Variants in GTF3C6 observed in about 807,000 individuals in gnomAD.
GTF3C6 encodes the protein general transcription factor 3C polypeptide 6.
Under a neutral mutation model 19.2 loss-of-function variants are expected in GTF3C6, and 11 were observed. The ratio of observed to expected loss-of-function variants is 0.57; its 90% CI spans 0.36 to 0.95. GTF3C6 has a LOEUF of 0.95. GTF3C6 is among the 40% of genes least tolerant of loss of function. GTF3C6 has a pLI of 0.01. For missense variants in GTF3C6, 222 were observed against 254.7 expected (o/e 0.87, Z 0.87); for synonymous variants, 87 against 84.2 (o/e 1.03, Z -0.18).
intron 3 of GTF3C6, 36 bp downstream of exon 3, chr6:110,960,513 T>TA (rs753647516): frequency 6.2e-7 from 1 of 1,609,440 alleles, no homozygotes; most frequent in South Asian, 1.1e-5. Context: ...CTCTTTCTGA[T>TA]ATGGGCTTTT....
At position 110,962,774 on chromosome 6, in the gene GTF3C6, C is replaced by CT. The variant is rs1554245071; in HGVS notation, c.361+278dup. ...CCCACCACCACGCCCAGCCAATTTT[C>CT]TTTTTTTTTCTTTTTTCTTATCCAG... On this transcript the variant is annotated intron_variant, in intron 5 of 5. Coordinates refer to ENST00000329970, the MANE Select transcript of GTF3C6 (RefSeq NM_138408.4). Among the ~76,000 whole-genome samples, 601 of 142,466 alleles carry CT rather than the reference C, an allele frequency of 4.2e-3. 4 individuals carry two copies. Among genetic ancestry groups the CT allele is most frequent in the African/African-American group, 0.014 (566 of 40,366 alleles). 93.5% of individuals were successfully genotyped at this position (142,466 alleles called of 152,430 possible). A position where few individuals can be genotyped will look rare whatever the true frequency, so the allele number is the denominator to read the frequency against.
At chr6:110,963,920 T>C (rs1334112775) in intron 5 of GTF3C6, among the ~76,000 whole-genome samples, 1 of 152,114 alleles carries the variant, frequency 6.6e-6, no homozygotes, top group Admixed American at 6.6e-5. Context: ...CAGGCTGGTC[T>C]TGAACTCCTG....
At chr6:110,963,209 G>A (rs1233219566) in intron 5 of GTF3C6, among the ~76,000 whole-genome samples, 1 of 152,088 alleles carries the variant, frequency 6.6e-6, no homozygotes, top group Non-Finnish European at 1.5e-5. Flanking sequence ...GAGCCACTGT[G>A]CCTGGCCTCA....
intron 5 of GTF3C6, among the ~76,000 whole-genome samples, chr6:110,966,848 C>G (rs1264213742): frequency 6.6e-6 from 1 of 151,942 alleles, no homozygotes; most frequent in Non-Finnish European, 1.5e-5. Context: ...ATAGTTGAAG[C>G]TGAATTGGAA....
chr6:110,959,222 C>A lies in GTF3C6; in HGVS notation c.108C>A (p.Leu36=). ...CAGGAATTATTGATTCAGACTTCCT[C>A]TCAAAATGTGAAAATAAATGCAAGG... ...ELSGIIDSDF[L]SKCENKCKVL... is the part of the protein sequence containing the mutation. Residue 36 remains leucine (L), a synonymous_variant, in exon 2 of 6, where the codon CTC becomes CTA. Coordinates refer to ENST00000329970, the MANE Select transcript of GTF3C6 (RefSeq NM_138408.4). 6.2e-7 allele frequency: 1 copy of A among 1,612,288 alleles called. No individual in the cohort carries two copies. Among genetic ancestry groups the A allele is most frequent in the Non-Finnish European group, 8.5e-7 (1 of 1,178,422 alleles).
At chr6:110,965,729 G>A (rs930061133) in intron 5 of GTF3C6, among the ~76,000 whole-genome samples, 1 of 152,100 alleles carries the variant, frequency 6.6e-6, no homozygotes, top group Non-Finnish European at 1.5e-5. Context: ...AGATCTTTGG[G>A]AATATTTGGG....
chr6:110,958,707 T>A lies in GTF3C6; in HGVS notation c.-63T>A. The A allele has an allele frequency of 2.0e-6, 3 of 1,505,348 alleles. No individual in the cohort carries two copies. The highest frequency in any genetic ancestry group is 1.8e-6 in the Non-Finnish European group (2 of 1,106,928). 93.2% of individuals were successfully genotyped at this position (1,505,348 alleles called of 1,614,324 possible). A position where few individuals can be genotyped will look rare whatever the true frequency, so the allele number is the denominator to read the frequency against. ...TGCTTCGCCTCGGAGCTGAAGCCCGTACTCAAGATGGCGGCTCCGGGCGGG... is the reference window on the plus strand; with the variant it reads ...TGCTTCGCCTCGGAGCTGAAGCCCGAACTCAAGATGGCGGCTCCGGGCGGG... On this transcript the variant is annotated 5_prime_UTR_variant, in exon 1 of 6. Transcript: ENST00000329970.
chr6:110,966,041 G>C (rs1407972295), intron 5 of GTF3C6, among the ~76,000 whole-genome samples: 9 of 152,172 alleles, frequency 5.9e-5, no homozygotes, highest in Admixed American at 5.2e-4. Flanking sequence ...GTTGGCAGGA[G>C]GCCTCAGTTC....
chr6:110,965,331 C>T (rs1234890603), intron 5 of GTF3C6, among the ~76,000 whole-genome samples: 2 of 152,036 alleles, frequency 1.3e-5, no homozygotes, highest in African/African-American at 2.4e-5. Flanking sequence ...TAGACTAGTG[C>T]TTCTTTCACC....
chr6:110,962,627 C>A (rs1358147465), intron 5 of GTF3C6, 122 bp downstream of exon 5: 15 of 584,608 alleles, frequency 2.6e-5, no homozygotes, highest in African/African-American at 2.1e-4. Flanking sequence ...TTTTTTCAGA[C>A]AGTCTTGCTC....
At chr6:110,966,664 A>T (rs1348653881) in intron 5 of GTF3C6, among the ~76,000 whole-genome samples, 2 of 152,302 alleles carry the variant, frequency 1.3e-5, no homozygotes, top group South Asian at 4.1e-4. Context: ...ACCTTCTAGG[A>T]ACTTGCATTC....
chr6:110,958,751 G>C lies in GTF3C6; in HGVS notation c.-19G>C. 6.4e-7 allele frequency: 1 copy of C among 1,550,564 alleles called. No individual in the cohort carries two copies. The highest frequency in any genetic ancestry group is 8.7e-7 in the Non-Finnish European group (1 of 1,146,886). On this transcript the variant is annotated 5_prime_UTR_variant, in exon 1 of 6. Transcript: ENST00000329970. ...GGGCGGGCGTGGCCAGTGACTAGAA[G>C]GCGAGGCGCCGCGGGACCATGGCGG... is the stretch of plus-strand genomic sequence containing the variant.
intron 4 of GTF3C6, 62 bp from the exon 5 acceptor site, chr6:110,962,330 C>A: frequency 2.3e-6 from 2 of 853,786 alleles, no homozygotes; most frequent in Non-Finnish European, 3.9e-6. Flanking sequence ...ATTACTAAGG[C>A]TTCATCTTTG....
At position 110,967,841 on chromosome 6, in the gene GTF3C6, TA is replaced by T. The variant is rs774105173; in HGVS notation, c.*52del. Reference sequence around the variant, plus strand: ...TCATAATAACTTGTCAAGAACTTTTTAGAGTTGTTACATAAAAATAATTGCT... The same window carrying T: ...TCATAATAACTTGTCAAGAACTTTTTGAGTTGTTACATAAAAATAATTGCT... On this transcript the variant is annotated 3_prime_UTR_variant, in exon 6 of 6. Transcript: ENST00000329970. 1 of 1,465,138 alleles carries T rather than the reference TA, an allele frequency of 6.8e-7. No individual in the cohort carries two copies. Among genetic ancestry groups the T allele is most frequent in the Admixed American group, 2.2e-5 (1 of 44,938 alleles). 90.8% of individuals were successfully genotyped at this position (1,465,138 alleles called of 1,614,324 possible). A position where few individuals can be genotyped will look rare whatever the true frequency, so the allele number is the denominator to read the frequency against.
chr6:110,960,015 T>C (rs1021822041), intron 2 of GTF3C6, among the ~76,000 whole-genome samples: 1 of 152,010 alleles, frequency 6.6e-6, no homozygotes, highest in Admixed American at 6.6e-5. Flanking sequence ...GGCATGCGCC[T>C]GTGGTCCCTG....
At chr6:110,961,340 A>C (rs35037742) in intron 4 of GTF3C6, among the ~76,000 whole-genome samples, 1 of 151,308 alleles carries the variant, frequency 6.6e-6, no homozygotes, top group Non-Finnish European at 1.5e-5. Flanking sequence ...TGGTAGAGAC[A>C]GGGTTTCGCC....
Position 110,967,577 on chromosome 6 carries a change from T to C in GTF3C6, c.429T>C (p.Phe143=), listed in dbSNP as rs369623951. The change falls in exon 6 of 6, where the codon TTT becomes TTC. Residue 143 remains phenylalanine, a synonymous_variant. Coordinates refer to ENST00000329970, the MANE Select transcript of GTF3C6 (RefSeq NM_138408.4). ...ATCGACCCAACATGATTTGTAACTT[T>C]CTACATGAAAATGAAGACGAAGAAG... ...FSYRPNMICN[F]LHENEDEEVV... 1.2e-6 allele frequency: 2 copies of C among 1,613,938 alleles called. No homozygotes were observed. The highest frequency in any genetic ancestry group is 2.7e-5 in the African/African-American group (2 of 74,932).
rs761953081 is a variant in GTF3C6 at position 110,960,614 on chromosome 6, A to G, written c.245A>G (p.His82Arg). The change falls in exon 4 of 6, where the codon CAT (histidine) becomes CGT (arginine). Residue 82 changes from histidine to arginine, a missense_variant and splice_region_variant. By Grantham distance (29) the His-to-Arg change is conservative (BLOSUM62 0). Transcript: ENST00000329970. ...TCVIFEENVE[H>R]ADTEGNNKTV... ...GTTATATTTGAAGAAAATGTTGAAC[A>G]TGGTAAGTGATTGCTAGCCCAGCCC... The G allele has an allele frequency of 1.9e-6, 3 of 1,612,306 alleles. No individual in the cohort carries two copies.
At chr6:110,965,595 TAAG>T (rs968220312) in intron 5 of GTF3C6, among the ~76,000 whole-genome samples, 6 of 152,190 alleles carry the variant, frequency 3.9e-5, no homozygotes, top group African/African-American at 1.4e-4. Flanking sequence ...GTAATAATTA[TAAG>T]AAGAAAGAGG....
Sources: allele counts gnomAD v4.1 joint callset (sites outside exome capture counted in the v4.1 genomes callset), GRCh38; gene constraint gnomAD v4.1.1; transcripts MANE v1.5; gene names NCBI Gene and HGNC (gene_info 2026-07-23, HGNC 2026-07-21).